The following DDX60L variants were observed in gnomAD, a reference collection of about 807,000 sequenced individuals.
DDX60L encodes the protein DExD/H-box 60 like, also known as probable ATP-dependent RNA helicase DDX60-like.
In DDX60L, 191 loss-of-function variants were observed where a neutral mutation model predicts 211.6. The observed-to-expected ratio is 0.90, with a 90% CI of 0.80 to 1.02. The LOEUF is 1.02. Among genes scored for constraint, DDX60L ranks in the 50% least tolerant of loss-of-function variants. The probability of loss-of-function intolerance (pLI) is 0.00; values close to 1 mark genes in which losing one functional copy is unlikely to be tolerated. For synonymous variants in DDX60L, 706 were observed against 694.1 expected (o/e 1.02, Z -0.27); for missense variants, 2,007 against 1,984.1 (o/e 1.01, Z -0.22).
Position 168,357,307 on chromosome 4 carries a change from C to T in DDX60L, c.*840G>A, listed in dbSNP as rs1738340742. ...TCAACAGGAAAGTGGTTTATAACTACTCCAAGTGACTGTTTTAGTCAATTC... is the reference window on the plus strand; with the variant it reads ...TCAACAGGAAAGTGGTTTATAACTATTCCAAGTGACTGTTTTAGTCAATTC... On this transcript the variant is annotated 3_prime_UTR_variant, in exon 38 of 38. Coordinates refer to ENST00000682922, the MANE Select transcript of DDX60L (RefSeq NM_001012967.3). The T allele has an allele frequency of 6.6e-6, 1 of 152,196 alleles. No homozygotes were observed. Among genetic ancestry groups the T allele is most frequent in the Non-Finnish European group, 1.5e-5 (1 of 68,036 alleles). 9.4% of individuals were successfully genotyped at this position (152,196 alleles called of 1,614,324 possible).
intron 32 of DDX60L, 41 bp from the exon 33 acceptor site, chr4:168,378,516 T>A: frequency 7.0e-7 from 1 of 1,432,490 alleles, no homozygotes; most frequent in South Asian, 1.4e-5. Context: ...AGAATAATGT[T>A]GATTCCATTT....
chr4:168,427,439 C>A, intron 13 of DDX60L, 117 bp from the exon 14 acceptor site: 1 of 1,119,754 alleles, frequency 8.9e-7, no homozygotes. Flanking sequence ...TCTACTCGTG[C>A]ACAGGCAAGA....
chr4:168,465,067 C>A (rs552458008), intron 4 of DDX60L, among the ~76,000 whole-genome samples: 1 of 152,038 alleles, frequency 6.6e-6, no homozygotes, highest in South Asian at 2.1e-4. Context: ...TTTTGAGGAA[C>A]CTCCATACTG....
chr4:168,455,899 T>C, intron 7 of DDX60L, 140 bp downstream of exon 7: 1 of 584,980 alleles, frequency 1.7e-6, no homozygotes, highest in Non-Finnish European at 2.9e-6. Context: ...GGGAAGGGGC[T>C]AAATTCCTAA....
At position 168,472,361 on chromosome 4, in the gene DDX60L, G is replaced by C. The variant is rs1008044431; in HGVS notation, c.74+94C>G. 5.0e-5 allele frequency: 45 copies of C among 903,654 alleles called. No homozygotes were observed. In the African/African-American group the frequency reaches 7.4e-4, roughly 15 times the overall value. 56.0% of individuals were successfully genotyped at this position (903,654 alleles called of 1,614,324 possible). On this transcript the variant is annotated intron_variant, in intron 3 of 37. Transcript: ENST00000682922. ...CAAGCTGCTCCAAGATAAATAGGTT[G>C]AGTGATCATGTATATGTATATGGGT...
At chr4:168,375,802 A>G (rs530035222) in intron 33 of DDX60L, among the ~76,000 whole-genome samples, 28 of 152,368 alleles carry the variant, frequency 1.8e-4, no homozygotes, top group Non-Finnish European at 4.0e-4. Context: ...AAACTTAGGT[A>G]TATTTCAGAG....
chr4:168,415,894 A>G (rs1471363081), intron 20 of DDX60L, 95 bp from the exon 21 acceptor site: 59 of 1,176,798 alleles, frequency 5.0e-5, no homozygotes, highest in Non-Finnish European at 6.4e-5. Flanking sequence ...ACAAGTTTAA[A>G]AATTTAGAGC....
chr4:168,422,777 C>CT (rs1029282139), intron 15 of DDX60L, 107 bp from the exon 16 acceptor site: 67 of 886,458 alleles, frequency 7.6e-5, no homozygotes, highest in South Asian at 1.1e-4. Context: ...TTTTACTACA[C>CT]TTTTTTTTAT....
At chr4:168,392,989 G>A (rs4692654) in intron 28 of DDX60L, among the ~76,000 whole-genome samples, 133,162 of 152,174 alleles carry the variant, frequency 0.88, 60,618 homozygotes, top group Non-Finnish European at 1. Context: ...ATGTGACAAG[G>A]TCTACAACAC....
At chr4:168,441,573 C>A in intron 9 of DDX60L, 81 bp from the exon 10 acceptor site, 1 of 1,158,710 alleles carries the variant, frequency 8.6e-7, no homozygotes, top group South Asian at 1.6e-5. Flanking sequence ...TGAATAAATT[C>A]ATAGAGCTCT....
intron 24 of DDX60L, among the ~76,000 whole-genome samples, chr4:168,405,244 G>C (rs538122401): frequency 6.6e-6 from 1 of 152,248 alleles, no homozygotes; most frequent in African/African-American, 2.4e-5. Flanking sequence ...CTGGCCTCAA[G>C]TGATCCACTC....
At chr4:168,479,103 G>A (rs919002593) in intron 1 of DDX60L, among the ~76,000 whole-genome samples, 2 of 149,148 alleles carry the variant, frequency 1.3e-5, no homozygotes, top group South Asian at 2.1e-4. Flanking sequence ...ATGGATGGAC[G>A]GATGGTTGGA....
intron 29 of DDX60L, chr4:168,390,527 T>A: frequency 1.4e-6 from 2 of 1,424,182 alleles, no homozygotes; most frequent in Non-Finnish European, 1.8e-6. Flanking sequence ...AGAGTTCACA[T>A]GATCTAAATT....
intron 36 of DDX60L, among the ~76,000 whole-genome samples, chr4:168,369,917 A>C (rs1478737756): frequency 6.6e-6 from 1 of 152,158 alleles, no homozygotes; most frequent in Middle Eastern, 3.2e-3. Flanking sequence ...AAGACAAAAG[A>C]AAGCAAGTGT....
At chr4:168,439,598 G>A (rs1001706868) in intron 10 of DDX60L, among the ~76,000 whole-genome samples, 3 of 152,076 alleles carry the variant, frequency 2.0e-5, no homozygotes, top group African/African-American at 7.2e-5. Flanking sequence ...TCCCAAATGG[G>A]CCTTTGACTC....
chr4:168,459,072 A>G (rs763199248), intron 5 of DDX60L, among the ~76,000 whole-genome samples: 11 of 152,190 alleles, frequency 7.2e-5, no homozygotes, highest in Non-Finnish European at 1.5e-4. Context: ...TACATCTATA[A>G]TATTTATTGA....
intron 29 of DDX60L, chr4:168,390,666 G>C (rs1744644953): frequency 2.3e-6 from 1 of 428,646 alleles, no homozygotes; most frequent in Admixed American, 4.3e-5. Context: ...GTATAGAGAG[G>C]AGGTGATTTT....
intron 10 of DDX60L, among the ~76,000 whole-genome samples, chr4:168,437,394 A>T (rs569567378): frequency 6.6e-6 from 1 of 152,294 alleles, no homozygotes; most frequent in East Asian, 1.9e-4. Context: ...TCTACAAGCC[A>T]AGGAACACCA....
At position 168,443,634 on chromosome 4, in the gene DDX60L, T is replaced by C. The variant is rs377268260; in HGVS notation, c.1139-2142A>G. 7.0e-3 allele frequency among the ~76,000 whole-genome samples: 1,054 copies of C among 151,512 alleles called. 10 individuals are homozygous for C. Among genetic ancestry groups the C allele is most frequent in the African/African-American group, 0.022 (887 of 41,148 alleles). ...GTTAAGGGCAGCCAGAGAGAAAGGT[T>C]GGGTTACCCTCAAAGGGAAGCCCAT... On this transcript the variant is annotated intron_variant, in intron 9 of 37. Coordinates refer to ENST00000682922, the MANE Select transcript of DDX60L (RefSeq NM_001012967.3).
Sources: gnomAD v4.1 joint callset for allele counts (sites outside exome capture counted in the v4.1 genomes callset) on GRCh38, gnomAD v4.1.1 for gene constraint, MANE v1.5 for transcripts, NCBI Gene and HGNC (gene_info 2026-07-23, HGNC 2026-07-21) for gene names.